Variants in DHX36 observed in about 807,000 individuals in gnomAD.
The protein encoded by DHX36 is DEAH-box helicase 36.
A neutral mutation model predicts 139.0 loss-of-function variants in DHX36; 50 were observed. That is an observed-to-expected ratio of 0.36 (90% confidence interval 0.29 to 0.46). The LOEUF is 0.46. Among genes scored for constraint, DHX36 ranks in the 20% least tolerant of loss-of-function variants. The pLI, the probability that DHX36 is intolerant of heterozygous loss-of-function variation, is 1.00. For missense variants in DHX36, 1,024 were observed against 1,211.3 expected, an observed-to-expected ratio of 0.85 and a Z score of 2.29; for synonymous variants, 425 against 401.9, an observed-to-expected ratio of 1.06 and a Z score of -0.69.
chr3:154,317,677 G>A (rs1713036358), intron 1 of DHX36, among the ~76,000 whole-genome samples: 1 of 152,040 alleles, frequency 6.6e-6, no homozygotes, highest in South Asian at 2.1e-4. Context: ...CAACAACTAG[G>A]CAGTTGGGAA....
At chr3:154,311,820 A>T in intron 3 of DHX36, 146 bp from the exon 4 acceptor site, 1 of 546,834 alleles carries the variant, frequency 1.8e-6, no homozygotes, top group Admixed American at 4.1e-5. Flanking sequence ...CATTATAAAG[A>T]ATAATTTACC....
In DHX36 at chr3:154,285,053, T is replaced by C. The variant is rs1711507637; in HGVS notation, c.2032-66A>G. 5 of 1,539,282 alleles carry C rather than the reference T, an allele frequency of 3.2e-6. No homozygotes were observed. The East Asian group carries it at 6.8e-5, about 21-fold the overall frequency. Reference sequence around the variant, plus strand: ...GCATTACATTTAAAACGATTTTAGCTTGCTTTAAAAAGAGTAACAAGCCAC... The same window carrying C: ...GCATTACATTTAAAACGATTTTAGCCTGCTTTAAAAAGAGTAACAAGCCAC... On this transcript the variant is annotated intron_variant, in intron 17 of 24. Coordinates refer to ENST00000496811, the MANE Select transcript of DHX36 (RefSeq NM_020865.3).
chr3:154,278,650 T>C (rs1178357253), intron 22 of DHX36: 2 of 152,036 alleles, frequency 1.3e-5, no homozygotes, highest in Non-Finnish European at 1.5e-5. Flanking sequence ...CAATTAGTTT[T>C]TGTATTCTTA....
chr3:154,302,580 G>GA (rs1402723602), intron 9 of DHX36, among the ~76,000 whole-genome samples: 1 of 152,104 alleles, frequency 6.6e-6, no homozygotes, highest in Non-Finnish European at 1.5e-5. Flanking sequence ...TGAAAGCTGT[G>GA]AAAATACAGA....
In DHX36 at chr3:154,324,159, T is replaced by C. The variant is rs758707722; in HGVS notation, c.243+15A>G. 8.7e-6 allele frequency: 14 copies of C among 1,604,672 alleles called. No homozygotes were observed. In the Admixed American group the frequency reaches 1.2e-4, roughly 14 times the overall value. On this transcript the variant is annotated intron_variant, in intron 1 of 24. Transcript: ENST00000496811. ...TGTGCTGCCTCATCCTCTCCACTAC[T>C]GAATCCGAGATTACCTCTTGCCTCT...
rs1712441866 is a variant in DHX36, at chr3:154,304,913, G to A, written c.1028C>T (p.Ser343Leu). 1 of 1,611,930 alleles carries A rather than the reference G, an allele frequency of 6.2e-7. No homozygotes were observed. Among genetic ancestry groups the A allele is most frequent in the Non-Finnish European group, 8.5e-7 (1 of 1,179,452 alleles). The change falls in exon 8 of 25, where the codon TCA (serine) becomes TTA (leucine). Residue 343 changes from serine to leucine, a missense_variant. Physicochemically the swap from Ser to Leu is moderately radical, Grantham distance 145. Around this residue, in one of 4 missense-constraint regions of DHX36, gnomAD observed 146 missense variants for 215.0 expected, o/e 0.68. Transcript: ENST00000496811. ...LDEIHERNLQ[S>L]DVLMTVVKDL... ...TTTAACAACAGTCATTAAAACATCT[G>A]ACTGCAGATTTCTTTCATGGATTTC...
intron 3 of DHX36, chr3:154,311,909 G>C (rs1251880200): frequency 5.1e-6 from 2 of 394,190 alleles, no homozygotes; most frequent in Non-Finnish European, 8.9e-6. Context: ...TTAAGTCAGT[G>C]GCAGTAAAAT....
At chr3:154,279,198 C>T (rs1415505274) in intron 22 of DHX36, 1 of 152,042 alleles carries the variant, frequency 6.6e-6, no homozygotes, top group African/African-American at 2.4e-5. Context: ...ATATTTGGGG[C>T]TCTATAATTT....
At chr3:154,286,182 A>AAC (rs1559946841) in intron 17 of DHX36, among the ~76,000 whole-genome samples, 9 of 99,694 alleles carry the variant, frequency 9.0e-5, no homozygotes, top group South Asian at 3.7e-4. Flanking sequence ...AAAAAAAAAA[A>AAC]AAAAAAAAAA....
chr3:154,286,820 TA>T (rs1325496335), intron 17 of DHX36, among the ~76,000 whole-genome samples: 2 of 151,934 alleles, frequency 1.3e-5, no homozygotes, highest in Non-Finnish European at 2.9e-5. Context: ...TTACTATTAT[TA>T]TTTTTTTTTT....
chr3:154,298,646 G>T lies in DHX36; in HGVS notation c.1549+1192C>A, dbSNP rs924274583. Reference sequence around the variant, plus strand: ...TATAAATTTTGTCTGGCTGGGCGTGGTGGCTCATGCCTGTAATCCCAGCAC... The same window carrying T: ...TATAAATTTTGTCTGGCTGGGCGTGTTGGCTCATGCCTGTAATCCCAGCAC... On this transcript the variant is annotated intron_variant, in intron 12 of 24. Coordinates refer to ENST00000496811, the MANE Select transcript of DHX36 (RefSeq NM_020865.3). Among the ~76,000 whole-genome samples the T allele has an allele frequency of 3.3e-5, 5 of 152,296 alleles. No homozygotes were observed. The East Asian group carries it at 9.6e-4, about 29-fold the overall frequency.
chr3:154,299,814 C>T (rs1297743656), intron 12 of DHX36, 24 bp downstream of exon 12: 2 of 1,505,874 alleles, frequency 1.3e-6, no homozygotes, highest in South Asian at 2.3e-5. Flanking sequence ...CTTTGAATTA[C>T]AGTAAAATAC....
chr3:154,310,125 C>A (rs543986853), intron 4 of DHX36, among the ~76,000 whole-genome samples: 6 of 152,116 alleles, frequency 3.9e-5, no homozygotes, highest in Non-Finnish European at 7.4e-5. Flanking sequence ...ATATGTGGGG[C>A]TACTGAGTAC....
At chr3:154,312,856 T>C (rs1250028111) in intron 3 of DHX36, among the ~76,000 whole-genome samples, 1,167 of 10,154 alleles carry the variant, frequency 0.11, 58 homozygotes, top group African/African-American at 0.32. Flanking sequence ...AATTAAAATA[T>C]ATATATATAT....
rs1719070854 is a variant in DHX36, at chr3:154,273,949, A to T, written c.*2222T>A. On this transcript the variant is annotated 3_prime_UTR_variant, in exon 25 of 25. Transcript: ENST00000496811. ...AAAACTCTTACATTGCAAAATCAAG[A>T]GTATAATACTCAGTGATGGATAGTG... is the stretch of plus-strand genomic sequence containing the variant. The T allele has an allele frequency of 6.6e-6, 1 of 152,212 alleles. No homozygotes were observed. The highest frequency in any genetic ancestry group is 2.4e-5 in the African/African-American group (1 of 41,452). 9.4% of individuals were successfully genotyped at this position (152,212 alleles called of 1,614,324 possible). A position where few individuals can be genotyped will look rare whatever the true frequency, so the allele number is the denominator to read the frequency against.
chr3:154,306,146 T>C, intron 6 of DHX36, 70 bp downstream of exon 6: 1 of 1,167,562 alleles, frequency 8.6e-7, no homozygotes, highest in Non-Finnish European at 1.3e-6. Flanking sequence ...GAAAATATCC[T>C]TTCTTTTGAA....
chr3:154,323,964 T>A (rs759823771), intron 1 of DHX36, among the ~76,000 whole-genome samples: 4 of 152,236 alleles, frequency 2.6e-5, no homozygotes, highest in Non-Finnish European at 4.4e-5. Context: ...TCAGCCTGCA[T>A]AAATCCTGCC....
chr3:154,306,225 C>T lies in DHX36; in HGVS notation c.884G>A (p.Arg295His), dbSNP rs1466359277. The change falls in exon 6 of 25, where the codon CGT (arginine) becomes CAT (histidine). Residue 295 changes from arginine to histidine, a missense_variant. By Grantham distance (29) the Arg-to-His change is conservative. Coordinates refer to ENST00000496811, the MANE Select transcript of DHX36 (RefSeq NM_020865.3). ...GSGNSTGYQI[R>H]LQSRLPRKQG... ...AGTGAACATTTCTTACCTCTGGAGA[C>T]GAATTTGATATCCAGTACTATTACC... The T allele has an allele frequency of 1.2e-6, 2 of 1,612,702 alleles. No individual in the cohort carries two copies. Among genetic ancestry groups the T allele is most frequent in the Non-Finnish European group, 1.7e-6 (2 of 1,179,066 alleles).
chr3:154,300,884 T>C, intron 10 of DHX36, 103 bp downstream of exon 10: 3 of 1,487,682 alleles, frequency 2.0e-6, no homozygotes, highest in Non-Finnish European at 2.8e-6. Flanking sequence ...AGACTCACAA[T>C]GCTCTCCTTT....
Sources: allele counts gnomAD v4.1 joint callset (sites outside exome capture counted in the v4.1 genomes callset), GRCh38; gene constraint gnomAD v4.1.1; regional missense constraint gnomAD v4.1.1; transcripts MANE v1.5; gene names NCBI Gene and HGNC (gene_info 2026-07-23, HGNC 2026-07-21).